Variants in SAMD12 observed in about 807,000 individuals in gnomAD.
SAMD12 encodes the protein sterile alpha motif domain containing 12.
In SAMD12, 9 loss-of-function variants were observed where a neutral mutation model predicts 15.0. The ratio of observed to expected loss-of-function variants is 0.60; its 90% CI spans 0.36 to 1.05. SAMD12 has a LOEUF of 1.05. Among genes scored for constraint, SAMD12 ranks in the 50% least tolerant of loss-of-function variants. SAMD12 has a pLI of 0.01. For missense variants in SAMD12, 230 were observed against 234.2 expected (o/e 0.98, Z 0.12); for synonymous variants, 86 against 90.1 (o/e 0.96, Z 0.25).
intron 4 of SAMD12, among the ~76,000 whole-genome samples, chr8:118,254,116 G>T (rs554252276): frequency 6.6e-6 from 1 of 152,234 alleles, no homozygotes; most frequent in East Asian, 1.9e-4. Context: ...TGTGAAAATT[G>T]GCCACATCTG....
At chr8:118,459,851 G>A (rs931463696) in intron 2 of SAMD12, among the ~76,000 whole-genome samples, 7 of 152,170 alleles carry the variant, frequency 4.6e-5, no homozygotes, top group South Asian at 2.1e-4. Context: ...TGAGAAACAC[G>A]GACAAGACAC....
chr8:118,507,916 A>G (rs1363125609), intron 2 of SAMD12, among the ~76,000 whole-genome samples: 1 of 151,698 alleles, frequency 6.6e-6, no homozygotes, highest in Non-Finnish European at 1.5e-5. Flanking sequence ...GGTACTCTTT[A>G]AGGCCAGATA....
intron 3 of SAMD12, among the ~76,000 whole-genome samples, chr8:118,438,694 C>T (rs534199784): frequency 2.6e-5 from 4 of 152,222 alleles, no homozygotes; most frequent in African/African-American, 9.6e-5. Flanking sequence ...TAACAAGTCC[C>T]TTTTTAAAGT....
chr8:118,251,644 G>A (rs1400241861), intron 4 of SAMD12, among the ~76,000 whole-genome samples: 1 of 152,102 alleles, frequency 6.6e-6, no homozygotes, highest in African/African-American at 2.4e-5. Flanking sequence ...CTTCAATGGG[G>A]AAATTAAATT....
At chr8:118,165,908 G>T in the SAMD12 span, among the ~76,000 whole-genome samples, 2 of 151,768 alleles carry the variant, frequency 1.3e-5, no homozygotes, top group Non-Finnish European at 2.9e-5. Flanking sequence ...CTTTGGATTT[G>T]TCCTTGAAAA....
At position 118,568,675 on chromosome 8, in the gene SAMD12, C is replaced by T. The variant is rs1826918994; in HGVS notation, c.192+12040G>A. ...TTATGGGACTGTTTCAATGAAACTTCATCATGACCATCAGCAAGATGGCAA... is the reference window on the plus strand; with the variant it reads ...TTATGGGACTGTTTCAATGAAACTTTATCATGACCATCAGCAAGATGGCAA... On this transcript the variant is annotated intron_variant, in intron 2 of 3. Transcript: ENST00000314727. 2.6e-5 allele frequency among the ~76,000 whole-genome samples: 4 copies of T among 152,162 alleles called. No individual in the cohort carries two copies. In the South Asian group the frequency reaches 8.3e-4, roughly 32 times the overall value.
At chr8:118,302,815 A>G (rs1815117364) in intron 4 of SAMD12, among the ~76,000 whole-genome samples, 1 of 152,248 alleles carries the variant, frequency 6.6e-6, no homozygotes, top group African/African-American at 2.4e-5. Flanking sequence ...GAGAAGTCCA[A>G]GAAATCAGTA....
chr8:118,364,795 C>G (rs934332963), intron 4 of SAMD12, among the ~76,000 whole-genome samples: 2 of 152,036 alleles, frequency 1.3e-5, no homozygotes, highest in African/African-American at 4.8e-5. Flanking sequence ...ATCTTTACAA[C>G]CCTCTCCTTT....
At chr8:118,377,506 A>T (rs115163047), downstream of SAMD12, among the ~76,000 whole-genome samples, 822 of 152,304 alleles carry the variant, frequency 5.4e-3, 7 homozygotes, top group African/African-American at 0.019. Flanking sequence ...CGGCCTTCCA[A>T]AGGGAACTGA....
intron 2 of SAMD12, among the ~76,000 whole-genome samples, chr8:118,529,785 G>C (rs1825635277): frequency 6.6e-6 from 1 of 152,090 alleles, no homozygotes; most frequent in South Asian, 2.1e-4. Context: ...GTGTGTCTGT[G>C]TGTGTACAGG....
chr8:118,514,745 T>C (rs1362837800), intron 2 of SAMD12, among the ~76,000 whole-genome samples: 17 of 152,332 alleles, frequency 1.1e-4, no homozygotes. Context: ...GACCAGCTTG[T>C]GAGAGAAAAA....
At chr8:118,494,273 AT>A (rs1235931687) in intron 2 of SAMD12, among the ~76,000 whole-genome samples, 4 of 152,174 alleles carry the variant, frequency 2.6e-5, no homozygotes, top group Non-Finnish European at 5.9e-5. Context: ...CAACTCCTTG[AT>A]TTTAGTCTAT....
At chr8:118,496,204 A>C (rs1366441231) in intron 2 of SAMD12, among the ~76,000 whole-genome samples, 2 of 152,330 alleles carry the variant, frequency 1.3e-5, no homozygotes, top group East Asian at 3.9e-4. Context: ...AGAATTAGAA[A>C]AAATATTCTA....
intron 1 of SAMD12, among the ~76,000 whole-genome samples, chr8:118,605,603 C>T (rs867019959): frequency 2.0e-5 from 3 of 151,756 alleles, no homozygotes; most frequent in Admixed American, 6.6e-5. Context: ...TTCTAGGCCT[C>T]AATTTTTTTC....
intron 4 of SAMD12, among the ~76,000 whole-genome samples, chr8:118,315,580 T>C (rs951829526): frequency 6.6e-6 from 1 of 152,144 alleles, no homozygotes; most frequent in Non-Finnish European, 1.5e-5. Context: ...TGATGAAACA[T>C]AGACTTGTTA....
chr8:118,583,722 G>A (rs1827354210), intron 1 of SAMD12, among the ~76,000 whole-genome samples: 1 of 152,108 alleles, frequency 6.6e-6, no homozygotes. Context: ...CCTCATGTCA[G>A]CTCAGACCTC....
chr8:118,369,696 C>T lies in SAMD12; in HGVS notation c.433+9864G>A, dbSNP rs1278120585. On this transcript the variant is annotated intron_variant, in intron 4 of 4. Transcript: ENST00000409003. ...CGCCATTATACTCCCGCCCGGGCAA[C>T]AAGAGTAAAACTCTGTCTCAAAAAA... Among the ~76,000 whole-genome samples, 3 of 151,800 alleles carry T rather than the reference C, an allele frequency of 2.0e-5. No homozygotes were observed. In the South Asian group the frequency reaches 6.2e-4, roughly 32 times the overall value.
chr8:118,186,194 C>A (rs746350517), downstream of SAMD12, among the ~76,000 whole-genome samples: 4 of 152,148 alleles, frequency 2.6e-5, no homozygotes, highest in Non-Finnish European at 5.9e-5. Context: ...TCAGAGCTGA[C>A]TTGATTATGG....
At chr8:118,149,965 T>C in the SAMD12 span, among the ~76,000 whole-genome samples, 1 of 152,216 alleles carries the variant, frequency 6.6e-6, no homozygotes, top group South Asian at 2.1e-4. Context: ...CACATTGTCT[T>C]GAATTCTTTA....
Sources: allele counts gnomAD v4.1 joint callset (sites outside exome capture counted in the v4.1 genomes callset), GRCh38; gene constraint gnomAD v4.1.1; transcripts MANE v1.5; gene names NCBI Gene and HGNC (gene_info 2026-07-23, HGNC 2026-07-21).